Variants in ZNF423 observed in about 807,000 individuals in gnomAD.
ZNF423 encodes zinc finger protein 423.
A neutral mutation model predicts 95.8 loss-of-function variants in ZNF423; 12 were observed. The observed-to-expected ratio is 0.13, with a 90% CI of 0.08 to 0.20. ZNF423 has a LOEUF of 0.20. ZNF423 is among the 10% of genes least tolerant of loss of function. ZNF423 has a pLI of 1.00. For missense variants in ZNF423, 1,316 were observed against 1,737.1 expected (o/e 0.76, Z 4.31); for synonymous variants, 749 against 711.9 (o/e 1.05, Z -0.83).
intron 5 of ZNF423, among the ~76,000 whole-genome samples, chr16:49,616,784 A>T (rs1035226774): frequency 2.6e-5 from 4 of 152,254 alleles, no homozygotes; most frequent in Non-Finnish European, 5.9e-5. Context: ...AGCCCTCAGG[A>T]GCATCCTCTG....
intron 1 of ZNF423, among the ~76,000 whole-genome samples, chr16:49,816,511 G>A (rs1418558601): frequency 2.6e-5 from 4 of 152,132 alleles, no homozygotes; most frequent in Non-Finnish European, 5.9e-5. Flanking sequence ...ATTCAGGCAG[G>A]ATGCAGTGGT....
intron 5 of ZNF423, among the ~76,000 whole-genome samples, chr16:49,594,323 T>C (rs1056561610): frequency 6.6e-6 from 1 of 152,142 alleles, no homozygotes; most frequent in East Asian, 1.9e-4. Flanking sequence ...GAAAGTTTGG[T>C]GGAAAGAGAT....
At chr16:49,735,131 A>G in intron 2 of ZNF423, among the ~76,000 whole-genome samples, 1 of 152,118 alleles carries the variant, frequency 6.6e-6, no homozygotes, top group African/African-American at 2.4e-5. Flanking sequence ...AAGGTTCAGC[A>G]ACGGCTCTGC....
At chr16:49,848,322 G>A (rs926997020) in intron 1 of ZNF423, among the ~76,000 whole-genome samples, 21 of 152,164 alleles carry the variant, frequency 1.4e-4, no homozygotes, top group Non-Finnish European at 2.1e-4. Flanking sequence ...CCACTCATCT[G>A]TATGAAGCCA....
chr16:49,694,369 C>T (rs2031893169), intron 3 of ZNF423, among the ~76,000 whole-genome samples: 1 of 152,088 alleles, frequency 6.6e-6, no homozygotes, highest in Non-Finnish European at 1.5e-5. Flanking sequence ...TTTGCTGTGC[C>T]AAGAGAAACA....
At chr16:49,677,767 A>AG (rs2031179293) in intron 3 of ZNF423, among the ~76,000 whole-genome samples, 3 of 146,640 alleles carry the variant, frequency 2.0e-5, no homozygotes, top group African/African-American at 7.9e-5. Context: ...AAAAAAAAAA[A>AG]AAGAGAGAGA....
intron 5 of ZNF423, among the ~76,000 whole-genome samples, chr16:49,606,819 G>A (rs944680597): frequency 1.3e-5 from 2 of 152,144 alleles, no homozygotes; most frequent in African/African-American, 4.8e-5. Context: ...TAATGCTCCT[G>A]CCATCTCTGA....
At chr16:49,706,209 TC>T (rs1440647472) in intron 3 of ZNF423, among the ~76,000 whole-genome samples, 5 of 152,154 alleles carry the variant, frequency 3.3e-5, no homozygotes, top group Admixed American at 1.3e-4. Context: ...AGGCTGTCAG[TC>T]CTCAGAACTG....
chr16:49,753,607 A>G (rs2033671204), intron 2 of ZNF423, among the ~76,000 whole-genome samples: 1 of 152,074 alleles, frequency 6.6e-6, no homozygotes, highest in African/African-American at 2.4e-5. Context: ...TATTTAAAAA[A>G]AAAAAAAAAA....
intron 7 of ZNF423, among the ~76,000 whole-genome samples, chr16:49,514,201 CACACACACACAT>C (rs1452024942): frequency 8.6e-6 from 1 of 116,720 alleles, no homozygotes; most frequent in African/African-American, 4.1e-5. Context: ...CACACACACA[CACACACACACAT>C]GCACACGCAC....
chr16:49,608,559 GAGA>G (rs1244129159), intron 5 of ZNF423, among the ~76,000 whole-genome samples: 10 of 152,280 alleles, frequency 6.6e-5, no homozygotes, highest in Admixed American at 1.3e-4. Context: ...GAAAGGCAGA[GAGA>G]AGAAGCCAGA....
chr16:49,513,061 A>G (rs1967963818), intron 7 of ZNF423, among the ~76,000 whole-genome samples: 1 of 152,176 alleles, frequency 6.6e-6, no homozygotes. Context: ...GTGTTACTGC[A>G]CACTCCAGAC....
At chr16:49,836,315 C>A (rs1433231770) in intron 1 of ZNF423, among the ~76,000 whole-genome samples, 1 of 152,040 alleles carries the variant, frequency 6.6e-6, no homozygotes, top group Non-Finnish European at 1.5e-5. Context: ...TCCAACCTGT[C>A]CAAGCTGCTT....
chr16:49,844,494 T>C (rs983707008), intron 1 of ZNF423, among the ~76,000 whole-genome samples: 3 of 152,106 alleles, frequency 2.0e-5, no homozygotes, highest in African/African-American at 7.2e-5. Context: ...CACCTCCTCA[T>C]CAGGAACAGA....
chr16:49,652,236 G>C (rs1468207276), intron 3 of ZNF423, among the ~76,000 whole-genome samples: 1 of 151,020 alleles, frequency 6.6e-6, no homozygotes, highest in Non-Finnish European at 1.5e-5. Flanking sequence ...CTCTGACCTC[G>C]CAGAACACAC....
chr16:49,615,911 C>T (rs78624157), intron 5 of ZNF423, among the ~76,000 whole-genome samples: 2,742 of 152,272 alleles, frequency 0.018, 74 homozygotes, highest in African/African-American at 0.062. Flanking sequence ...ACTTTGCTAT[C>T]AGCCTGCAAG....
chr16:49,630,536 T>C (rs1162229755), intron 4 of ZNF423, among the ~76,000 whole-genome samples: 1 of 151,990 alleles, frequency 6.6e-6, no homozygotes, highest in African/African-American at 2.4e-5. Context: ...GGTGGGAGGA[T>C]GGGGTTGGTA....
At chr16:49,556,814 A>T (rs985520658) in intron 5 of ZNF423, among the ~76,000 whole-genome samples, 43 of 152,268 alleles carry the variant, frequency 2.8e-4, no homozygotes, top group African/African-American at 1.0e-3. Context: ...CATTTAAACT[A>T]CTGTGCTTTC....
At chr16:49,609,167 C>T (rs372703487) in intron 5 of ZNF423, among the ~76,000 whole-genome samples, 1 of 152,092 alleles carries the variant, frequency 6.6e-6, no homozygotes, top group African/African-American at 2.4e-5. Context: ...AGGGAGGAAA[C>T]GAGCCTGGAA....
Sources: gnomAD v4.1 joint callset for allele counts (sites outside exome capture counted in the v4.1 genomes callset) on GRCh38, gnomAD v4.1.1 for gene constraint, MANE v1.5 for transcripts, NCBI Gene and HGNC (gene_info 2026-07-23, HGNC 2026-07-21) for gene names.